Variants in HTR1E observed in about 807,000 individuals in gnomAD.
The protein encoded by HTR1E is 5-hydroxytryptamine receptor 1E, also known as 5-HT-1E.
A neutral mutation model predicts 3.4 loss-of-function variants in HTR1E; 3 were observed. The ratio of observed to expected loss-of-function variants is 0.89; its 90% CI spans 0.41 to 2.31. The LOEUF (loss-of-function observed/expected upper bound fraction) is 2.31. Ranked by LOEUF, HTR1E falls within the 30% of genes most tolerant of loss-of-function variation. The pLI is 0.05. For missense variants in HTR1E, 392 were observed against 467.0 expected, an observed-to-expected ratio of 0.84 and a Z score of 1.48; for synonymous variants, 170 against 182.8, an observed-to-expected ratio of 0.93 and a Z score of 0.56.
intron 1 of HTR1E, among the ~76,000 whole-genome samples, chr6:86,995,943 T>A (rs1317876482): frequency 6.7e-6 from 1 of 150,320 alleles, no homozygotes; most frequent in Non-Finnish European, 1.5e-5. Context: ...TTCTAAATGT[T>A]CATAAACAAA....
chr6:86,955,839 C>T (rs1767314699), intron 1 of HTR1E, among the ~76,000 whole-genome samples: 1 of 152,120 alleles, frequency 6.6e-6, no homozygotes, highest in Non-Finnish European at 1.5e-5. Flanking sequence ...TAAATTTACA[C>T]TTGTTGCTGC....
At chr6:86,978,483 G>A (rs555058164) in intron 1 of HTR1E, among the ~76,000 whole-genome samples, 194 of 152,272 alleles carry the variant, frequency 1.3e-3, no homozygotes, top group African/African-American at 4.5e-3. Context: ...CTGTCTAATG[G>A]AGCAGAAATA....
intron 1 of HTR1E, among the ~76,000 whole-genome samples, chr6:86,973,675 T>C (rs1050407253): frequency 1.8e-4 from 27 of 152,072 alleles, no homozygotes; most frequent in African/African-American, 5.8e-4. Context: ...TAATGAGACA[T>C]AGGACATATA....
intron 1 of HTR1E, among the ~76,000 whole-genome samples, chr6:86,954,558 G>A (rs879124178): frequency 1.3e-5 from 2 of 152,190 alleles, no homozygotes; most frequent in Admixed American, 1.3e-4. Context: ...GAATAGATAC[G>A]TGGTTACTGT....
intron 1 of HTR1E, among the ~76,000 whole-genome samples, chr6:87,008,425 C>T (rs1423807437): frequency 1.3e-5 from 2 of 152,096 alleles, no homozygotes; most frequent in Non-Finnish European, 2.9e-5. Context: ...GTACATGGTA[C>T]ATATTGAAGA....
chr6:86,947,480 T>C (rs2127816782), intron 1 of HTR1E, among the ~76,000 whole-genome samples: 1 of 152,234 alleles, frequency 6.6e-6, no homozygotes, highest in East Asian at 1.9e-4. Context: ...TGCTTATAAG[T>C]ATATCACATG....
At chr6:86,945,431 C>T (rs370159102) in intron 1 of HTR1E, among the ~76,000 whole-genome samples, 1 of 151,738 alleles carries the variant, frequency 6.6e-6, no homozygotes, top group Non-Finnish European at 1.5e-5. Context: ...TTAGTAGAGA[C>T]GGGATTTCAC....
chr6:87,005,371 G>C (rs1768085972), intron 1 of HTR1E, among the ~76,000 whole-genome samples: 1 of 152,098 alleles, frequency 6.6e-6, no homozygotes, highest in Admixed American at 6.6e-5. Context: ...AAACAGCATG[G>C]TGCTGGCATA....
chr6:86,989,537 T>C (rs1582274367), intron 1 of HTR1E, among the ~76,000 whole-genome samples: 2 of 152,282 alleles, frequency 1.3e-5, no homozygotes, highest in South Asian at 2.1e-4. Flanking sequence ...GGGAAAATAA[T>C]AGACAACATT....
rs112481478 is a variant in HTR1E at position 86,948,048 on chromosome 6, G to A, written c.-186+10225G>A. On this transcript the variant is annotated intron_variant, in intron 1 of 1. Transcript: ENST00000305344. ...ACCCTCCCTTTACCCTCCACCCCGC[G>A]ACAGGCCCCAGTGTGTGATGTTCCC... 9.8e-3 allele frequency among the ~76,000 whole-genome samples: 1,491 copies of A among 152,096 alleles called. 26 individuals carry two copies. The highest frequency in any genetic ancestry group is 0.033 in the African/African-American group (1,386 of 41,474).
chr6:86,974,726 G>C (rs921612719), intron 1 of HTR1E, among the ~76,000 whole-genome samples: 3 of 152,170 alleles, frequency 2.0e-5, no homozygotes, highest in African/African-American at 7.2e-5. Context: ...GATATATTTT[G>C]AAACTTTTAA....
At chr6:86,959,200 C>G (rs1293859511) in intron 1 of HTR1E, among the ~76,000 whole-genome samples, 1 of 152,058 alleles carries the variant, frequency 6.6e-6, no homozygotes, top group East Asian at 1.9e-4. Flanking sequence ...TGAGGCCTAC[C>G]ACATTGTGGA....
chr6:87,014,753 A>G (rs1487509952), intron 1 of HTR1E, among the ~76,000 whole-genome samples: 3 of 152,096 alleles, frequency 2.0e-5, no homozygotes, highest in African/African-American at 7.2e-5. Context: ...GAGTTGAACA[A>G]TGAGAACACA....
At chr6:86,956,681 G>A (rs1473860556) in intron 1 of HTR1E, among the ~76,000 whole-genome samples, 1 of 151,960 alleles carries the variant, frequency 6.6e-6, no homozygotes, top group Non-Finnish European at 1.5e-5. Context: ...CTGTGTCATT[G>A]GCATGCCCTT....
chr6:86,975,534 A>C (rs569358594), intron 1 of HTR1E, among the ~76,000 whole-genome samples: 2 of 150,252 alleles, frequency 1.3e-5, no homozygotes, highest in East Asian at 3.9e-4. Flanking sequence ...CAGGCCACCC[A>C]CCCCCTGTGA....
chr6:86,982,728 G>A (rs1288733384), intron 1 of HTR1E, among the ~76,000 whole-genome samples: 3 of 152,186 alleles, frequency 2.0e-5, no homozygotes, highest in Non-Finnish European at 4.4e-5. Context: ...AACAAAGAAC[G>A]ATTATAAAGT....
Position 87,016,049 on chromosome 6 carries a change from A to C in HTR1E, c.715A>C (p.Thr239Pro). 1.2e-6 allele frequency: 2 copies of C among 1,614,218 alleles called. No homozygotes were observed. The highest frequency in any genetic ancestry group is 1.1e-5 in the South Asian group (1 of 91,080). The change falls in exon 2 of 2, where the codon ACA (threonine) becomes CCA (proline). Residue 239 changes from threonine to proline, a missense_variant. Physicochemically the swap from Thr to Pro is conservative, Grantham distance 38. Transcript: ENST00000305344. ...SQNSFASCKLTQTFCVSDFST... is the reference protein window; with the variant it reads ...SQNSFASCKLPQTFCVSDFST... ...GAATTCTTTTGCAAGTTGTAAACTTACACAGACTTTCTGTGTGTCTGACTT... is the reference window on the plus strand; with the variant it reads ...GAATTCTTTTGCAAGTTGTAAACTTCCACAGACTTTCTGTGTGTCTGACTT...
At chr6:86,940,764 A>G (rs1369511468) in intron 1 of HTR1E, among the ~76,000 whole-genome samples, 1 of 152,198 alleles carries the variant, frequency 6.6e-6, no homozygotes, top group East Asian at 1.9e-4. Context: ...GTGGGAAAGC[A>G]TTCCCTCTAT....
chr6:86,969,716 G>C (rs1161402419), intron 1 of HTR1E, among the ~76,000 whole-genome samples: 1 of 152,138 alleles, frequency 6.6e-6, no homozygotes, highest in East Asian at 1.9e-4. Flanking sequence ...ACGTGCTTCT[G>C]ATGGCACTGA....
Sources: allele counts gnomAD v4.1 joint callset (sites outside exome capture counted in the v4.1 genomes callset), GRCh38; gene constraint gnomAD v4.1.1; transcripts MANE v1.5; gene names NCBI Gene and HGNC (gene_info 2026-07-23, HGNC 2026-07-21).